MIPOL1: variants seen among roughly 807,000 people sequenced by gnomAD.
MIPOL1 encodes the protein mirror-image polydactyly 1.
In MIPOL1, 57 loss-of-function variants were observed where a neutral mutation model predicts 60.9. That is an observed-to-expected ratio of 0.94 (90% CI 0.76 to 1.17). The LOEUF (loss-of-function observed/expected upper bound fraction) is 1.17. Ranked by LOEUF, MIPOL1 falls within the 50% of genes most tolerant of loss-of-function variation. MIPOL1 has a pLI of 0.00. For missense variants in MIPOL1, 551 were observed against 511.6 expected, an observed-to-expected ratio of 1.08 and a Z score of -0.74; for synonymous variants, 179 against 168.8, an observed-to-expected ratio of 1.06 and a Z score of -0.47.
intron 1 of MIPOL1, among the ~76,000 whole-genome samples, chr14:37,204,696 T>C (rs1263025733): frequency 6.6e-6 from 1 of 152,144 alleles, no homozygotes; most frequent in Non-Finnish European, 1.5e-5. Context: ...TGGTCTCAAG[T>C]ATGTCTTTAT....
intron 9 of MIPOL1, among the ~76,000 whole-genome samples, chr14:37,356,658 T>A (rs1053926392): frequency 6.6e-6 from 1 of 152,032 alleles, no homozygotes; most frequent in Non-Finnish European, 1.5e-5. Context: ...CGGGTGGGAG[T>A]GACCCGATTT....
chr14:37,293,632 G>T (rs1395301773), intron 7 of MIPOL1, among the ~76,000 whole-genome samples: 1 of 152,150 alleles, frequency 6.6e-6, no homozygotes, highest in African/African-American at 2.4e-5. Flanking sequence ...TTTCCAATGG[G>T]CTTATCAAAC....
At chr14:37,342,642 C>T (rs575317259) in intron 9 of MIPOL1, among the ~76,000 whole-genome samples, 1 of 151,902 alleles carries the variant, frequency 6.6e-6, no homozygotes, top group South Asian at 2.1e-4. Context: ...GTGATCCACC[C>T]TCCTCAGCCT....
intron 11 of MIPOL1, among the ~76,000 whole-genome samples, chr14:37,458,030 G>C (rs1220621925): frequency 2.0e-5 from 3 of 151,600 alleles, no homozygotes; most frequent in Non-Finnish European, 4.4e-5. Context: ...AGCAAGAGTA[G>C]CTATACTTAT....
intron 9 of MIPOL1, among the ~76,000 whole-genome samples, chr14:37,364,211 C>T (rs1396288214): frequency 6.6e-6 from 1 of 152,208 alleles, no homozygotes; most frequent in Non-Finnish European, 1.5e-5. Context: ...CACCAGTCTT[C>T]TACGTGGATC....
chr14:37,319,221 T>C (rs2088283671), intron 9 of MIPOL1, among the ~76,000 whole-genome samples: 1 of 152,158 alleles, frequency 6.6e-6, no homozygotes, highest in Non-Finnish European at 1.5e-5. Flanking sequence ...AACATTTTTG[T>C]AACTAAATTT....
At chr14:37,439,345 A>G (rs1271872982) in intron 11 of MIPOL1, among the ~76,000 whole-genome samples, 1 of 152,174 alleles carries the variant, frequency 6.6e-6, no homozygotes, top group Non-Finnish European at 1.5e-5. Flanking sequence ...AATAAGCAAA[A>G]GTGGAGGTTT....
At chr14:37,528,493 A>C (rs2095461158) in intron 12 of MIPOL1, among the ~76,000 whole-genome samples, 1 of 152,240 alleles carries the variant, frequency 6.6e-6, no homozygotes, top group East Asian at 1.9e-4. Flanking sequence ...TAGGCTATTT[A>C]TAGAGATATC....
intron 11 of MIPOL1, among the ~76,000 whole-genome samples, chr14:37,463,220 T>G (rs568972262): frequency 6.6e-6 from 1 of 152,236 alleles, no homozygotes; most frequent in African/African-American, 2.4e-5. Flanking sequence ...ACTCCCATTT[T>G]TAAAACCATC....
intron 9 of MIPOL1, among the ~76,000 whole-genome samples, chr14:37,361,941 C>G (rs1566432903): frequency 6.6e-6 from 1 of 151,938 alleles, no homozygotes. Context: ...GCAATGCCTG[C>G]TTTTTTTGCT....
At chr14:37,317,807 G>A (rs2088086902) in intron 9 of MIPOL1, among the ~76,000 whole-genome samples, 2 of 152,130 alleles carry the variant, frequency 1.3e-5, no homozygotes, top group South Asian at 4.1e-4. Flanking sequence ...TAATTTTTAT[G>A]TGGTTGTATA....
At chr14:37,285,129 T>G (rs2084443304) in intron 6 of MIPOL1, among the ~76,000 whole-genome samples, 189 bp from the exon 7 acceptor site, 1 of 152,234 alleles carries the variant, frequency 6.6e-6, no homozygotes, top group Non-Finnish European at 1.5e-5. Context: ...TTTAGGGGTA[T>G]GAAGTGGTAT....
At chr14:37,371,741 G>C (rs1444380242) in intron 10 of MIPOL1, among the ~76,000 whole-genome samples, 1 of 151,914 alleles carries the variant, frequency 6.6e-6, no homozygotes, top group African/African-American at 2.4e-5. Flanking sequence ...TGAAAATTAG[G>C]TCAATTATAA....
At chr14:37,470,601 T>G (rs2094672715) in intron 11 of MIPOL1, among the ~76,000 whole-genome samples, 1 of 152,136 alleles carries the variant, frequency 6.6e-6, no homozygotes, top group Non-Finnish European at 1.5e-5. Context: ...CTGCACAGCC[T>G]GCAGAACTGT....
At chr14:37,504,954 A>AC (rs2095261198) in intron 12 of MIPOL1, 1 of 152,214 alleles carries the variant, frequency 6.6e-6, no homozygotes, top group African/African-American at 2.4e-5. Context: ...ACAAACTACC[A>AC]TCAGATAATA....
intron 3 of MIPOL1, among the ~76,000 whole-genome samples, chr14:37,259,192 C>T (rs1382117368): frequency 6.6e-6 from 1 of 152,086 alleles, no homozygotes; most frequent in Non-Finnish European, 1.5e-5. Flanking sequence ...TATCTTATAG[C>T]TACACGTAGC....
At chr14:37,335,255 G>T (rs905657013) in intron 9 of MIPOL1, among the ~76,000 whole-genome samples, 5 of 151,900 alleles carry the variant, frequency 3.3e-5, no homozygotes, top group African/African-American at 1.2e-4. Context: ...TTTAAAAATT[G>T]TGGTAAATAT....
intron 1 of MIPOL1, among the ~76,000 whole-genome samples, chr14:37,199,587 C>T (rs1964894120): frequency 1.3e-5 from 2 of 151,960 alleles, no homozygotes; most frequent in South Asian, 2.1e-4. Context: ...TGCAGTGGCG[C>T]GATCTCGGCT....
chr14:37,473,971 C>A (rs1261426411), intron 11 of MIPOL1, among the ~76,000 whole-genome samples: 5 of 152,144 alleles, frequency 3.3e-5, no homozygotes, highest in Non-Finnish European at 7.4e-5. Context: ...TTTTTAATGT[C>A]TCTATAGTTT....
Sources: allele counts gnomAD v4.1 joint callset (sites outside exome capture counted in the v4.1 genomes callset), GRCh38; gene constraint gnomAD v4.1.1; transcripts MANE v1.5; gene names NCBI Gene and HGNC (gene_info 2026-07-23, HGNC 2026-07-21).